The following ACBD5 variants were observed in gnomAD, a reference collection of about 807,000 sequenced individuals.
ACBD5 encodes the protein acyl-CoA binding domain containing 5, also known as acyl-CoA-binding domain-containing protein 5.
A neutral mutation model predicts 71.8 loss-of-function variants in ACBD5; 40 were observed. That is an observed-to-expected ratio of 0.56 (90% CI 0.43 to 0.72). The LOEUF is 0.72. ACBD5 is among the 30% of genes least tolerant of loss of function. The pLI, the probability that ACBD5 is intolerant of heterozygous loss-of-function variation, is 0.00. For missense variants in ACBD5, 559 were observed against 644.5 expected (o/e 0.87, Z 1.44); for synonymous variants, 229 against 218.6 (o/e 1.05, Z -0.42).
Position 27,210,994 on chromosome 10 carries a change from G to A in ACBD5, c.1024C>T (p.Arg342Cys), listed in dbSNP as rs755306488. The change falls in exon 9 of 13, where the codon CGT becomes TGT. Residue 342 changes from arginine to cysteine, a missense_variant. By Grantham distance (180) the Arg-to-Cys change is radical. Coordinates refer to ENST00000396271, the MANE Select transcript of ACBD5 (RefSeq NM_145698.5). ...SSQPMENSGF[R>C]EDIQVPPGNG... ...CCAGGAGGTACTTGAATATCTTCAC[G>A]AAATCCAGAATTTTCCATGGGTTGA... is the stretch of plus-strand genomic sequence containing the variant. 38 of 1,613,806 alleles carry A rather than the reference G, an allele frequency of 2.4e-5. No individual in the cohort carries two copies. Among genetic ancestry groups the A allele is most frequent in the African/African-American group, 1.6e-4 (12 of 74,814 alleles).
intron 7 of ACBD5, among the ~76,000 whole-genome samples, chr10:27,216,717 T>C (rs946113587): frequency 6.6e-6 from 1 of 152,204 alleles, no homozygotes; most frequent in African/African-American, 2.4e-5. Flanking sequence ...TACAAAATAT[T>C]TTATCATTGA....
chr10:27,219,316 C>A (rs28409511), intron 6 of ACBD5, among the ~76,000 whole-genome samples: 35 of 149,766 alleles, frequency 2.3e-4, no homozygotes, highest in East Asian at 2.0e-4. Context: ...CATAAAAAAA[C>A]AAAAAAAAAA....
At chr10:27,240,872 G>A (rs2065419713), upstream of ACBD5, 2 of 891,290 alleles carry the variant, frequency 2.2e-6, no homozygotes, top group East Asian at 5.3e-5. This position sits in a 1 kb window ranked among gnomAD's most constrained non-coding sequence, Gnocchi z 4.1. Context: ...CGCCGCAGCA[G>A]CAGTGCAGCA....
Position 27,240,271 on chromosome 10 carries a change from T to C in ACBD5, c.181+48A>G, listed in dbSNP as rs775813534. 2.5e-6 allele frequency: 4 copies of C among 1,613,634 alleles called. No individual in the cohort carries two copies. The highest frequency in any genetic ancestry group is 2.7e-5 in the African/African-American group (2 of 74,886). On this transcript the variant is annotated intron_variant, in intron 2 of 12. Coordinates refer to ENST00000396271, the MANE Select transcript of ACBD5 (RefSeq NM_145698.5). The surrounding 1 kb of genome is among the most constrained non-coding windows in gnomAD (Gnocchi z 4.1). ...AGAACCAGAAAGTGAAAGGGGGCTT[T>C]GGGGCTCTCTGCAGGAGGCGTCTAC...
intron 5 of ACBD5, among the ~76,000 whole-genome samples, chr10:27,220,101 T>G (rs988520403): frequency 1.3e-5 from 2 of 152,196 alleles, no homozygotes; most frequent in African/African-American, 4.8e-5. Context: ...GGGTAAATTA[T>G]TTTTAAGTTA....
intron 10 of ACBD5, among the ~76,000 whole-genome samples, chr10:27,206,158 T>C (rs2136878945): frequency 6.6e-6 from 1 of 152,098 alleles, no homozygotes; most frequent in East Asian, 1.9e-4. Flanking sequence ...TGCCTTGACC[T>C]CCCAAAGTGC....
At chr10:27,212,632 G>A (rs1187423820) in intron 8 of ACBD5, among the ~76,000 whole-genome samples, 3 of 144,646 alleles carry the variant, frequency 2.1e-5, no homozygotes, top group Admixed American at 7.2e-5. Flanking sequence ...AGGCTGGAGT[G>A]CAGTGGTGCG....
At chr10:27,204,662 C>T in intron 11 of ACBD5, 113 bp from the exon 12 acceptor site, 1 of 754,600 alleles carries the variant, frequency 1.3e-6, no homozygotes, top group South Asian at 1.5e-5. Context: ...TAACAAATCT[C>T]ACTCCTGCTG....
At chr10:27,228,250 A>T (rs1305872695) in intron 4 of ACBD5, among the ~76,000 whole-genome samples, 1 of 142,898 alleles carries the variant, frequency 7.0e-6, no homozygotes, top group African/African-American at 2.6e-5. Flanking sequence ...GGAAATCCCC[A>T]GAAGAGAGCC....
chr10:27,187,693 A>G (rs1195677510), intron 13 of ACBD5, among the ~76,000 whole-genome samples: 1 of 151,384 alleles, frequency 6.6e-6, no homozygotes, highest in Non-Finnish European at 1.5e-5. Flanking sequence ...TGGAGATTGC[A>G]GTGAGCTGAG....
At position 27,240,273 on chromosome 10, in the gene ACBD5, G is replaced by A. The variant is rs375672147; in HGVS notation, c.181+46C>T. On this transcript the variant is annotated intron_variant, in intron 2 of 12. Coordinates refer to ENST00000396271, the MANE Select transcript of ACBD5 (RefSeq NM_145698.5). The surrounding 1 kb of genome is among the most constrained non-coding windows in gnomAD (Gnocchi z 4.1). ...AACCAGAAAGTGAAAGGGGGCTTTG[G>A]GGCTCTCTGCAGGAGGCGTCTACAG... The A allele has an allele frequency of 6.2e-7, 1 of 1,613,808 alleles. No individual in the cohort carries two copies. The highest frequency in any genetic ancestry group is 1.1e-5 in the South Asian group (1 of 91,058).
intron 2 of ACBD5, among the ~76,000 whole-genome samples, chr10:27,237,935 T>A (rs12259598): frequency 0.089 from 13,316 of 149,386 alleles, 1,497 homozygotes; most frequent in African/African-American, 0.27. Flanking sequence ...TCTTTTTTTT[T>A]AAATTTAATT....
At chr10:27,186,234 C>G in intron 13 of ACBD5, 5 of 846,532 alleles carry the variant, frequency 5.9e-6, no homozygotes, top group Non-Finnish European at 9.7e-6. Flanking sequence ...TGTGGCCTAA[C>G]AGACATTAAA....
At position 27,197,266 on chromosome 10, in the gene ACBD5, G is replaced by A; in HGVS notation, c.*164C>T. ...TAGTCCTTAAAATGTTATCGTTTGT[G>A]TAGTGCAAAATATATATGTGTATAT... is the stretch of plus-strand genomic sequence containing the variant. On this transcript the variant is annotated 3_prime_UTR_variant, in exon 13 of 13. Transcript: ENST00000396271. 1.4e-6 allele frequency: 1 copy of A among 716,208 alleles called. No homozygotes were observed. The allele number at this position is 716,208 out of a possible 1,614,324, so 44.4% of individuals were successfully genotyped here. A position where few individuals can be genotyped will look rare whatever the true frequency, so the allele number is the denominator to read the frequency against.
At chr10:27,219,925 TACTAATAAAATTTACAAATA>T (rs2062123383) in intron 5 of ACBD5, 68 bp from the exon 6 acceptor site, 3 of 1,455,746 alleles carry the variant, frequency 2.1e-6, no homozygotes, top group Non-Finnish European at 2.8e-6. Flanking sequence ...TTCCAAGTAA[TACTAATAAAATTTACAAATA>T]ACTAATAAAA....
At chr10:27,187,922 C>A (rs1232520106) in intron 13 of ACBD5, among the ~76,000 whole-genome samples, 2 of 152,120 alleles carry the variant, frequency 1.3e-5, no homozygotes, top group East Asian at 1.9e-4. Context: ...ACATAATTTT[C>A]TTTTGCTTAA....
chr10:27,215,121 G>A (rs374221166), intron 8 of ACBD5, among the ~76,000 whole-genome samples: 11 of 151,924 alleles, frequency 7.2e-5, no homozygotes, highest in African/African-American at 2.2e-4. Flanking sequence ...CCGAGATTGC[G>A]CCACTGCACT....
chr10:27,214,069 A>G (rs1320588378), intron 8 of ACBD5, among the ~76,000 whole-genome samples: 1 of 152,226 alleles, frequency 6.6e-6, no homozygotes. Context: ...CAGGCATAGA[A>G]AGAAAAACTT....
At chr10:27,218,771 AG>A (rs1400019389) in intron 6 of ACBD5, among the ~76,000 whole-genome samples, 1 of 151,948 alleles carries the variant, frequency 6.6e-6, no homozygotes, top group African/African-American at 2.4e-5. Context: ...TTTTTAGTAG[AG>A]ACGGGGTTTC....
Sources: gnomAD v4.1 joint callset for allele counts (sites outside exome capture counted in the v4.1 genomes callset) on GRCh38, gnomAD v4.1.1 for gene constraint, Gnocchi (gnomAD v3.1) non-coding constraint, MANE v1.5 for transcripts, NCBI Gene and HGNC (gene_info 2026-07-23, HGNC 2026-07-21) for gene names.